Variants in KIAA1328 observed in about 807,000 individuals in gnomAD.
The protein encoded by KIAA1328 is protein hinderin.
A neutral mutation model predicts 68.1 loss-of-function variants in KIAA1328; 52 were observed. That is an observed-to-expected ratio of 0.76 (90% CI 0.61 to 0.96). The LOEUF (loss-of-function observed/expected upper bound fraction) is 0.96. Ranked by LOEUF, KIAA1328 falls within the 40% of genes least tolerant of loss-of-function variation. The pLI is 0.00. For synonymous variants in KIAA1328, 232 were observed against 239.4 expected (o/e 0.97, Z 0.28); for missense variants, 641 against 677.6 (o/e 0.95, Z 0.60).
At chr18:37,060,395 G>T (rs1400720326) in intron 6 of KIAA1328, among the ~76,000 whole-genome samples, 1 of 152,092 alleles carries the variant, frequency 6.6e-6, no homozygotes, top group Admixed American at 6.5e-5. Context: ...AAGAAAAGTT[G>T]TTCAACATCA....
intron 6 of KIAA1328, among the ~76,000 whole-genome samples, chr18:36,981,187 A>G (rs1490331926): frequency 1.3e-5 from 2 of 152,130 alleles, no homozygotes; most frequent in East Asian, 1.9e-4. Context: ...TTCCAGTTAG[A>G]TTTTTGTCCT....
chr18:37,068,755 C>A (rs1167262672), intron 7 of KIAA1328, among the ~76,000 whole-genome samples: 3 of 152,004 alleles, frequency 2.0e-5, no homozygotes, highest in Non-Finnish European at 4.4e-5. Flanking sequence ...ATATTTTCTC[C>A]CAGTCTGTAA....
At chr18:36,841,530 T>A (rs2046857929) in intron 3 of KIAA1328, among the ~76,000 whole-genome samples, 1 of 152,022 alleles carries the variant, frequency 6.6e-6, no homozygotes, top group South Asian at 2.1e-4. Flanking sequence ...CATGTTTTCT[T>A]CTTTGGTAAT....
At chr18:36,973,299 G>A (rs1003003425) in intron 6 of KIAA1328, among the ~76,000 whole-genome samples, 5 of 151,462 alleles carry the variant, frequency 3.3e-5, no homozygotes, top group Non-Finnish European at 7.4e-5. Flanking sequence ...ACAGGGTAGG[G>A]AACATCACAC....
chr18:36,860,886 A>G (rs1047025510), intron 4 of KIAA1328, among the ~76,000 whole-genome samples: 8 of 152,176 alleles, frequency 5.3e-5, no homozygotes, highest in Non-Finnish European at 1.0e-4. Context: ...GAACTTTATG[A>G]TATGGAAAAA....
At chr18:37,163,198 A>G (rs1303779566) in intron 8 of KIAA1328, among the ~76,000 whole-genome samples, 1 of 152,208 alleles carries the variant, frequency 6.6e-6, no homozygotes, top group Non-Finnish European at 1.5e-5. Flanking sequence ...CCCTTTTATG[A>G]GAGCCCTCAA....
chr18:37,064,216 T>G (rs2056259847), intron 6 of KIAA1328, among the ~76,000 whole-genome samples: 1 of 152,226 alleles, frequency 6.6e-6, no homozygotes, highest in South Asian at 2.1e-4. Flanking sequence ...AGAGCAAGTC[T>G]TCTCTTCATT....
intron 9 of KIAA1328, among the ~76,000 whole-genome samples, chr18:37,181,628 A>G (rs1349335180): frequency 1.3e-5 from 2 of 152,164 alleles, no homozygotes; most frequent in Admixed American, 6.5e-5. Flanking sequence ...AATTCCAAGA[A>G]GTGAATTCAG....
chr18:36,885,966 C>T (rs1272526784), intron 5 of KIAA1328: 8 of 348,422 alleles, frequency 2.3e-5, no homozygotes, highest in African/African-American at 4.2e-5. Context: ...ATCTGCCTGC[C>T]TTGGCCTCCC....
At chr18:36,983,813 A>C (rs985114663) in intron 6 of KIAA1328, among the ~76,000 whole-genome samples, 14 of 152,184 alleles carry the variant, frequency 9.2e-5, no homozygotes, top group African/African-American at 3.4e-4. Flanking sequence ...AAAGACAAAA[A>C]AATTGATATC....
At chr18:37,159,304 A>G (rs1198505437) in intron 7 of KIAA1328, among the ~76,000 whole-genome samples, 1 of 151,982 alleles carries the variant, frequency 6.6e-6, no homozygotes, top group East Asian at 1.9e-4. Context: ...ACCTGGCAAC[A>G]CTCCATTCAG....
intron 7 of KIAA1328, among the ~76,000 whole-genome samples, chr18:37,123,194 AT>A (rs2058313966): frequency 6.6e-6 from 1 of 152,182 alleles, no homozygotes. Flanking sequence ...TTTCAGCAAA[AT>A]CAAAGAGAGA....
chr18:36,973,273 A>G (rs1181537088), intron 6 of KIAA1328, among the ~76,000 whole-genome samples: 1 of 151,682 alleles, frequency 6.6e-6, no homozygotes, highest in African/African-American at 2.4e-5. Flanking sequence ...GAATTGAACA[A>G]TGAGAACACA....
At chr18:37,096,852 T>G (rs1175906221) in intron 7 of KIAA1328, among the ~76,000 whole-genome samples, 2 of 152,224 alleles carry the variant, frequency 1.3e-5, no homozygotes, top group Non-Finnish European at 2.9e-5. Flanking sequence ...TCATATGTCT[T>G]TTGGCTGCAT....
At chr18:37,227,654 A>G (rs1198238135), downstream of KIAA1328, among the ~76,000 whole-genome samples, 1 of 152,228 alleles carries the variant, frequency 6.6e-6, no homozygotes, top group Admixed American at 6.5e-5. Flanking sequence ...CCTACTGCTC[A>G]GAGAAAAAGA....
chr18:36,898,834 G>A (rs1018095919), intron 5 of KIAA1328, among the ~76,000 whole-genome samples: 8 of 151,798 alleles, frequency 5.3e-5, no homozygotes, highest in African/African-American at 1.9e-4. Context: ...ATTAAGTTTT[G>A]TATGTTGATT....
chr18:37,188,307 C>A (rs2059841745), intron 9 of KIAA1328, among the ~76,000 whole-genome samples: 1 of 152,100 alleles, frequency 6.6e-6, no homozygotes, highest in Non-Finnish European at 1.5e-5. Context: ...CTCTCTAGAC[C>A]AGTTGATAAT....
chr18:37,111,408 TTTGA>T (rs2057926041), intron 7 of KIAA1328, among the ~76,000 whole-genome samples: 1 of 152,206 alleles, frequency 6.6e-6, no homozygotes, highest in Non-Finnish European at 1.5e-5. Context: ...TAGATTAGTG[TTTGA>T]TTGGGTAACT....
chr18:37,154,910 G>A (rs371001309), intron 7 of KIAA1328, among the ~76,000 whole-genome samples: 158 of 152,040 alleles, frequency 1.0e-3, no homozygotes, highest in African/African-American at 3.2e-3. Context: ...TTCCTGGACC[G>A]AATGGTTGAC....
Sources: gnomAD v4.1 joint callset for allele counts (sites outside exome capture counted in the v4.1 genomes callset) on GRCh38, gnomAD v4.1.1 for gene constraint, MANE v1.5 for transcripts, NCBI Gene and HGNC (gene_info 2026-07-23, HGNC 2026-07-21) for gene names.